CHL1: variants seen among roughly 807,000 people sequenced by gnomAD.
CHL1 encodes cell adhesion molecule L1 like.
Under a neutral mutation model 141.9 loss-of-function variants are expected in CHL1, and 96 were observed. That is an observed-to-expected ratio of 0.68 (90% CI 0.57 to 0.80). The LOEUF (loss-of-function observed/expected upper bound fraction) is 0.80, where lower values mean the gene tolerates loss of function less well. Ranked by LOEUF, CHL1 falls within the 30% of genes least tolerant of loss-of-function variation. CHL1 has a pLI of 0.00. For synonymous variants in CHL1, 613 were observed against 502.2 expected, an observed-to-expected ratio of 1.22 and a Z score of -2.95; for missense variants, 1,820 against 1,457.2, an observed-to-expected ratio of 1.25 and a Z score of -4.05.
At chr3:246,233 A>G (rs974186416) in intron 2 of CHL1, among the ~76,000 whole-genome samples, 6 of 152,098 alleles carry the variant, frequency 3.9e-5, no homozygotes, top group Admixed American at 3.3e-4. Flanking sequence ...ACTATGAGAA[A>G]CTGTAATTGT....
chr3:300,732 A>T lies in CHL1; in HGVS notation c.-94-18951A>T, dbSNP rs1362525531. Among the ~76,000 whole-genome samples the T allele has an allele frequency of 2.6e-5, 4 of 152,242 alleles. No homozygotes were observed. The South Asian group carries it at 8.3e-4, about 32-fold the overall frequency. ...AGTGAATGTATAATTTGAAACTGAG[A>T]TAAGTGCTCTCGTGTGAAACATCTT... On this transcript the variant is annotated intron_variant, in intron 2 of 27. Transcript: ENST00000256509.
At position 340,814 on chromosome 3, in the gene CHL1, G is replaced by T; in HGVS notation, c.406G>T (p.Glu136Ter). 6.2e-7 allele frequency: 1 copy of T among 1,609,982 alleles called. No individual in the cohort carries two copies. The change falls in exon 6 of 28, where the codon GAA becomes TAA. Residue 136 changes from glutamate (E) to a stop codon, truncating the protein, a stop_gained. Coordinates refer to ENST00000256509, the MANE Select transcript of CHL1 (RefSeq NM_006614.4). LOFTEE classifies it high-confidence loss of function. ...IVPSVPKFPKEKIDPLEVEEG... is the reference protein window; with the variant it reads ...IVPSVPKFPK ...ACCAGGTGTTCCAAAATTCCCAAAAGAAAAAATTGACCCTCTTGAAGTGGA... is the reference window on the plus strand; with the variant it reads ...ACCAGGTGTTCCAAAATTCCCAAAATAAAAAATTGACCCTCTTGAAGTGGA...
intron 26 of CHL1, among the ~76,000 whole-genome samples, chr3:400,655 A>G (rs1199201017): frequency 1.3e-5 from 2 of 151,120 alleles, no homozygotes; most frequent in East Asian, 3.9e-4. Context: ...AAGAGAAATC[A>G]GCCAGGCATA....
At chr3:272,161 G>A (rs1179228413) in intron 2 of CHL1, among the ~76,000 whole-genome samples, 4 of 152,098 alleles carry the variant, frequency 2.6e-5, no homozygotes, top group South Asian at 2.1e-4. Flanking sequence ...CATTGTTTTT[G>A]TGCTTTACTG....
chr3:291,424 T>A, intron 2 of CHL1, among the ~76,000 whole-genome samples: 1 of 151,854 alleles, frequency 6.6e-6, no homozygotes, highest in East Asian at 1.9e-4. Flanking sequence ...TTTAGTTTTA[T>A]TTTTTCTTTT....
chr3:215,656 C>G (rs938379158), intron 1 of CHL1, among the ~76,000 whole-genome samples: 1 of 152,116 alleles, frequency 6.6e-6, no homozygotes, highest in African/African-American at 2.4e-5. Flanking sequence ...GATGTGTGTA[C>G]TTATTGTGTA....
rs551764205 is a variant in CHL1 at position 306,823 on chromosome 3, T to C, written c.-94-12860T>C. Among the ~76,000 whole-genome samples the C allele has an allele frequency of 7.2e-5, 11 of 152,338 alleles. No homozygotes were observed. In the East Asian group the frequency reaches 1.9e-3, roughly 27 times the overall value. On this transcript the variant is annotated intron_variant, in intron 2 of 27. Transcript: ENST00000256509. ...TTTCATCTCTGAAAGAATCTATTAATGTCATATTCAAATGCTTAATGTTCA... is the reference window on the plus strand; with the variant it reads ...TTTCATCTCTGAAAGAATCTATTAACGTCATATTCAAATGCTTAATGTTCA...
At chr3:204,304 A>G (rs1699220032) in intron 1 of CHL1, among the ~76,000 whole-genome samples, 1 of 152,236 alleles carries the variant, frequency 6.6e-6, no homozygotes. Flanking sequence ...TGTAGTTATG[A>G]TGCCTGGGAA....
chr3:277,665 C>T (rs969676220), intron 2 of CHL1, among the ~76,000 whole-genome samples: 6 of 152,058 alleles, frequency 3.9e-5, no homozygotes, highest in African/African-American at 1.2e-4. Context: ...TTTTATATTG[C>T]GAATTCAAGG....
chr3:256,255 A>G (rs752427832), intron 2 of CHL1, among the ~76,000 whole-genome samples: 1 of 152,228 alleles, frequency 6.6e-6, no homozygotes, highest in Non-Finnish European at 1.5e-5. Flanking sequence ...GTATTCTGGC[A>G]CTTCATGAAA....
chr3:267,980 C>T (rs1265512088), intron 2 of CHL1, among the ~76,000 whole-genome samples: 2 of 152,042 alleles, frequency 1.3e-5, no homozygotes, highest in Admixed American at 1.3e-4. Flanking sequence ...TGATTCTTTC[C>T]TATGAAAAAC....
At chr3:309,493 C>CT (rs1227999672) in intron 2 of CHL1, among the ~76,000 whole-genome samples, 1 of 142,108 alleles carries the variant, frequency 7.0e-6, no homozygotes, top group Non-Finnish European at 1.5e-5. Flanking sequence ...CTCTTTCTTT[C>CT]TTTTTCTCCT....
At chr3:360,523 G>C in intron 12 of CHL1, 99 bp downstream of exon 12, 1 of 1,208,706 alleles carries the variant, frequency 8.3e-7, no homozygotes, top group Non-Finnish European at 1.2e-6. Context: ...ATAATATATG[G>C]AGGGAAAAAT....
intron 10 of CHL1, among the ~76,000 whole-genome samples, chr3:349,925 A>G (rs1164319866): frequency 6.6e-6 from 1 of 151,360 alleles, no homozygotes; most frequent in African/African-American, 2.5e-5. Flanking sequence ...TGAGCCTGGA[A>G]GAAAGCTTGG....
At chr3:293,077 C>CATAT (rs1356554011) in intron 2 of CHL1, among the ~76,000 whole-genome samples, 1 of 152,178 alleles carries the variant, frequency 6.6e-6, no homozygotes, top group Non-Finnish European at 1.5e-5. Flanking sequence ...GTTTATCGAA[C>CATAT]AGTTATTTGG....
At chr3:390,131 C>T (rs1289282179) in intron 20 of CHL1, among the ~76,000 whole-genome samples, 1 of 152,112 alleles carries the variant, frequency 6.6e-6, no homozygotes, top group African/African-American at 2.4e-5. Context: ...ACTCACCTGC[C>T]GTCTAAATTC....
intron 1 of CHL1, among the ~76,000 whole-genome samples, chr3:236,980 T>C (rs1417636602): frequency 6.6e-6 from 1 of 152,158 alleles, no homozygotes; most frequent in African/African-American, 2.4e-5. Flanking sequence ...AACACGTCAT[T>C]AATAGGGAGT....
chr3:374,928 G>A (rs1184778938), intron 15 of CHL1, among the ~76,000 whole-genome samples: 1 of 152,092 alleles, frequency 6.6e-6, no homozygotes, highest in African/African-American at 2.4e-5. Context: ...AATATACATG[G>A]TGAACAATGA....
At chr3:199,607 A>T (rs1698736973) in intron 1 of CHL1, among the ~76,000 whole-genome samples, 1 of 152,226 alleles carries the variant, frequency 6.6e-6, no homozygotes, top group Non-Finnish European at 1.5e-5. Context: ...AAATTTTTAA[A>T]ATCATTTGAT....
Sources: allele counts gnomAD v4.1 joint callset (sites outside exome capture counted in the v4.1 genomes callset), GRCh38; gene constraint gnomAD v4.1.1; transcripts MANE v1.5; gene names NCBI Gene and HGNC (gene_info 2026-07-23, HGNC 2026-07-21).